The following UFL1 variants were observed in gnomAD, a reference collection of about 807,000 sequenced individuals.
UFL1 encodes the protein E3 UFM1-protein ligase 1.
A neutral mutation model predicts 99.3 loss-of-function variants in UFL1; 78 were observed. That is an observed-to-expected ratio of 0.79 (90% CI 0.65 to 0.95). The LOEUF (loss-of-function observed/expected upper bound fraction) is 0.95. Ranked by LOEUF, UFL1 falls within the 40% of genes least tolerant of loss-of-function variation. UFL1 has a pLI of 0.00. For missense variants in UFL1, 936 were observed against 937.0 expected (o/e 1.00, Z 0.01); for synonymous variants, 335 against 322.2 (o/e 1.04, Z -0.42).
intron 4 of UFL1, 112 bp from the exon 5 acceptor site, chr6:96,526,209 T>G: frequency 1.3e-6 from 1 of 781,118 alleles, no homozygotes; most frequent in Non-Finnish European, 2.1e-6. Context: ...TACACACACA[T>G]TTCATTACTT....
chr6:96,543,291 A>G (rs1769955971), intron 12 of UFL1, among the ~76,000 whole-genome samples: 1 of 151,244 alleles, frequency 6.6e-6, no homozygotes, highest in Non-Finnish European at 1.5e-5. Context: ...CATAAATAAC[A>G]GATGCATATC....
chr6:96,548,099 A>G (rs994919052), intron 12 of UFL1, 65 bp from the exon 13 acceptor site: 4 of 1,035,510 alleles, frequency 3.9e-6, no homozygotes, highest in Non-Finnish European at 4.3e-6. Flanking sequence ...ATGGAGCCCT[A>G]TTTGCCATTT....
At chr6:96,530,782 G>C (rs1769772156) in intron 6 of UFL1, among the ~76,000 whole-genome samples, 1 of 152,134 alleles carries the variant, frequency 6.6e-6, no homozygotes, top group African/African-American at 2.4e-5. Context: ...AGAGATCCCT[G>C]CTTTCTTTTA....
Position 96,525,351 on chromosome 6 carries a change from T to G in UFL1, c.307T>G (p.Ser103Ala). 6.2e-7 allele frequency: 1 copy of G among 1,610,878 alleles called. No individual in the cohort carries two copies. Among genetic ancestry groups the G allele is most frequent in the Non-Finnish European group, 8.5e-7 (1 of 1,178,866 alleles). ...IENRIGDIIK[S>A]EKHVQLVLGQ... ...AAATAGAATTGGTGACATTATTAAA[T>G]CAGAAAAGCATGTTCAGTTAGTGTT... Residue 103 changes from serine (S) to alanine (A), a missense_variant, in exon 4 of 19, where the codon TCA (serine) becomes GCA (alanine). By Grantham distance (99) the Ser-to-Ala change is moderately conservative (BLOSUM62 1). Coordinates refer to ENST00000369278, the MANE Select transcript of UFL1 (RefSeq NM_015323.5).
Position 96,534,248 on chromosome 6 carries a change from T to TA in UFL1, c.597-13dup. On this transcript the variant is annotated splice_polypyrimidine_tract_variant and intron_variant, in intron 6 of 18. Coordinates refer to ENST00000369278, the MANE Select transcript of UFL1 (RefSeq NM_015323.5). Reference sequence around the variant, plus strand: ...AATGAGTAAGAAGTTTTTTTTTTTTTAACTTTCCATAAAGGCCTACAGCTG... The same window carrying TA: ...AATGAGTAAGAAGTTTTTTTTTTTTTAAACTTTCCATAAAGGCCTACAGCTG... The TA allele has an allele frequency of 2.7e-6, 4 of 1,504,722 alleles. No homozygotes were observed. The highest frequency in any genetic ancestry group is 1.3e-5 in the South Asian group (1 of 74,210). The allele number at this position is 1,504,722 out of a possible 1,614,324, so 93.2% of individuals were successfully genotyped here. A position where few individuals can be genotyped will look rare whatever the true frequency, so the allele number is the denominator to read the frequency against.
intron 2 of UFL1, among the ~76,000 whole-genome samples, chr6:96,523,636 G>A (rs1769658561): frequency 6.6e-6 from 1 of 152,140 alleles, no homozygotes. Flanking sequence ...AAGGGGGACA[G>A]TATCTTACAG....
rs201090625 is a variant in UFL1, at chr6:96,528,630, C to T, written c.594C>T (p.Thr198=). The T allele has an allele frequency of 6.2e-7, 1 of 1,610,144 alleles. No homozygotes were observed. Among genetic ancestry groups the T allele is most frequent in the African/African-American group, 1.3e-5 (1 of 74,810 alleles). The change falls in exon 6 of 19, where the codon ACC becomes ACT. Residue 198 remains threonine, a splice_region_variant and synonymous_variant. Transcript: ENST00000369278. The stretch of plus-strand genomic sequence containing the variant: ...TCCGTGGACTATTCAGTGCTATTAC[C>T]CGGTAAGTATATTTTAAAGTATATA... ...ARIRGLFSAI[T]RPTAVNSLIS... is the part of the protein sequence containing the mutation.
chr6:96,539,668 A>G (rs1448408121), intron 10 of UFL1, among the ~76,000 whole-genome samples: 1 of 151,568 alleles, frequency 6.6e-6, no homozygotes, highest in Admixed American at 6.6e-5. Flanking sequence ...GATACCTACT[A>G]TGGAAAGAAT....
intron 5 of UFL1, 59 bp from the exon 6 acceptor site, chr6:96,528,437 TATGCAA>T: frequency 6.4e-7 from 1 of 1,558,100 alleles, no homozygotes; most frequent in Non-Finnish European, 8.7e-7. Flanking sequence ...TGAGTATGAC[TATGCAA>T]ATGCATATGT....
intron 12 of UFL1, among the ~76,000 whole-genome samples, chr6:96,546,220 A>G (rs1452120073): frequency 6.6e-6 from 1 of 151,020 alleles, no homozygotes; most frequent in African/African-American, 2.4e-5. Flanking sequence ...TCTATACATC[A>G]GTGTCTTTCA....
At chr6:96,539,551 A>G (rs1004599776) in intron 10 of UFL1, among the ~76,000 whole-genome samples, 4 of 151,672 alleles carry the variant, frequency 2.6e-5, no homozygotes, top group Non-Finnish European at 4.4e-5. Flanking sequence ...AGAAGATTAC[A>G]AAGTATACAT....
Position 96,549,520 on chromosome 6 carries a change from A to T in UFL1, c.1629A>T (p.Glu543Asp), listed in dbSNP as rs745700946. The change falls in exon 14 of 19, where the codon GAA becomes GAT. Residue 543 changes from glutamate to aspartate, a missense_variant. By Grantham distance (45) the Glu-to-Asp change is conservative. Coordinates refer to ENST00000369278, the MANE Select transcript of UFL1 (RefSeq NM_015323.5). ...RKRTIKDLQE[E>D]VSNLYNNIRL... ...GCACAATCAAGGACTTGCAAGAAGA[A>T]GTTTCAAACCTGTACAATAACATTA... 9 of 1,593,422 alleles carry T rather than the reference A, an allele frequency of 5.6e-6. No individual in the cohort carries two copies. The highest frequency in any genetic ancestry group is 7.7e-6 in the Non-Finnish European group (9 of 1,173,678).
intron 3 of UFL1, 81 bp downstream of exon 3, chr6:96,524,491 C>G: frequency 9.4e-7 from 1 of 1,061,472 alleles, no homozygotes; most frequent in Non-Finnish European, 1.4e-6. Flanking sequence ...TTCACTAATG[C>G]TGGTATCATA....
At chr6:96,540,820 A>T (rs2475025) in intron 11 of UFL1, among the ~76,000 whole-genome samples, 165 bp downstream of exon 11, 62,095 of 151,244 alleles carry the variant, frequency 0.41, 13,461 homozygotes, top group African/African-American at 0.57. Context: ...GTTTTATATA[A>T]TAAAATGGAA....
chr6:96,551,748 G>A (rs1770083658), intron 16 of UFL1, 90 bp from the exon 17 acceptor site: 3 of 899,248 alleles, frequency 3.3e-6, no homozygotes, highest in Admixed American at 5.2e-5. Flanking sequence ...TTGTATTTGG[G>A]ATGTAAAATT....
At position 96,548,238 on chromosome 6, in the gene UFL1, G is replaced by A. The variant is rs1465574232; in HGVS notation, c.1477G>A (p.Ala493Thr). The change falls in exon 13 of 19, where the codon GCC (alanine) becomes ACC (threonine). Residue 493 changes from alanine to threonine, a missense_variant. Coordinates refer to ENST00000369278, the MANE Select transcript of UFL1 (RefSeq NM_015323.5). ...TTTTTTAAGAAAACACATACAAGAT[G>A]CCCCTGAGGAGTTTATTTCGGAACT... ...EDFLRKHIQD[A>T]PEEFISELAE... The A allele has an allele frequency of 6.2e-7, 1 of 1,605,702 alleles. No homozygotes were observed. The highest frequency in any genetic ancestry group is 1.3e-5 in the African/African-American group (1 of 74,310).
At chr6:96,531,478 C>T (rs1162483480) in intron 6 of UFL1, among the ~76,000 whole-genome samples, 1 of 152,012 alleles carries the variant, frequency 6.6e-6, no homozygotes, top group African/African-American at 2.4e-5. Flanking sequence ...GACTGGTTTC[C>T]CATTGCTACT....
chr6:96,545,274 T>G (rs1769984135), intron 12 of UFL1, among the ~76,000 whole-genome samples: 1 of 151,148 alleles, frequency 6.6e-6, no homozygotes, highest in Non-Finnish European at 1.5e-5. Flanking sequence ...AAATAATCAC[T>G]TTTATACCTT....
rs1402985946 is a variant in UFL1, at chr6:96,554,966, T to A, written c.*1463T>A. ...TTCAACCTTTAAGAACCTTATCATT[T>A]ATGTTTCAGTAGATATCAAAGTAAT... On this transcript the variant is annotated 3_prime_UTR_variant, in exon 19 of 19. Coordinates refer to ENST00000369278, the MANE Select transcript of UFL1 (RefSeq NM_015323.5). 2.0e-5 allele frequency: 3 copies of A among 152,626 alleles called. No homozygotes were observed. Among genetic ancestry groups the A allele is most frequent in the Non-Finnish European group, 2.9e-5 (2 of 68,016 alleles). The allele number at this position is 152,626 out of a possible 1,614,324, so 9.5% of individuals were successfully genotyped here. A position where few individuals can be genotyped will look rare whatever the true frequency, so the allele number is the denominator to read the frequency against.
Sources: gnomAD v4.1 joint callset for allele counts (sites outside exome capture counted in the v4.1 genomes callset) on GRCh38, gnomAD v4.1.1 for gene constraint, MANE v1.5 for transcripts, NCBI Gene and HGNC (gene_info 2026-07-23, HGNC 2026-07-21) for gene names.